Variants in OXR1 observed in about 807,000 individuals in gnomAD.
OXR1 encodes the protein oxidation resistance 1.
A neutral mutation model predicts 104.6 loss-of-function variants in OXR1; 41 were observed. The ratio of observed to expected loss-of-function variants is 0.39; its 90% confidence interval spans 0.31 to 0.51. OXR1 has a LOEUF of 0.51. Ranked by LOEUF, OXR1 falls within the 20% of genes least tolerant of loss-of-function variation. The pLI, the probability that OXR1 is intolerant of heterozygous loss-of-function variation, is 0.77. For synonymous variants in OXR1, 348 were observed against 348.4 expected, an observed-to-expected ratio of 1.00 and a Z score of 0.01; for missense variants, 955 against 1,031.9, an observed-to-expected ratio of 0.93 and a Z score of 1.02.
chr8:106,455,369 A>G (rs1820547217), intron 2 of OXR1, among the ~76,000 whole-genome samples: 1 of 152,218 alleles, frequency 6.6e-6, no homozygotes, highest in Non-Finnish European at 1.5e-5. Context: ...AAATCATCCC[A>G]GAGACCGGAA....
chr8:106,493,004 A>G (rs1409387229), intron 2 of OXR1, among the ~76,000 whole-genome samples: 1 of 152,200 alleles, frequency 6.6e-6, no homozygotes, highest in Non-Finnish European at 1.5e-5. Context: ...CTGTAGTTAT[A>G]TGTACAGAAG....
At chr8:106,509,962 G>A (rs950492713) in intron 2 of OXR1, among the ~76,000 whole-genome samples, 3 of 151,928 alleles carry the variant, frequency 2.0e-5, no homozygotes, top group Non-Finnish European at 2.9e-5. Context: ...AGTAGAGATG[G>A]GATTTCACCA....
intron 2 of OXR1, among the ~76,000 whole-genome samples, chr8:106,416,804 C>T (rs956406916): frequency 6.6e-6 from 1 of 152,238 alleles, no homozygotes; most frequent in East Asian, 1.9e-4. Context: ...ATATTTGCCA[C>T]TTGGTCCAAG....
intron 1 of OXR1, among the ~76,000 whole-genome samples, chr8:106,353,910 G>A (rs577580531): frequency 2.6e-5 from 4 of 152,124 alleles, no homozygotes; most frequent in East Asian, 1.9e-4. Flanking sequence ...CCAGCCTGCC[G>A]CCCCTAGTAA....
At chr8:106,521,858 C>T (rs1813287486) in intron 3 of OXR1, among the ~76,000 whole-genome samples, 1 of 152,088 alleles carries the variant, frequency 6.6e-6, no homozygotes, top group African/African-American at 2.4e-5. Flanking sequence ...ATATTTTTAC[C>T]ACAAGTCCCA....
chr8:106,603,866 A>G (rs144602711), intron 3 of OXR1, among the ~76,000 whole-genome samples: 3,057 of 152,110 alleles, frequency 0.02, 39 homozygotes, highest in South Asian at 0.064. Flanking sequence ...CAGCCTAGCC[A>G]ACATGGTGAA....
intron 3 of OXR1, among the ~76,000 whole-genome samples, chr8:106,570,446 T>C (rs764354384): frequency 6.6e-6 from 1 of 152,134 alleles, no homozygotes; most frequent in Non-Finnish European, 1.5e-5. Context: ...GCCTGAGTGA[T>C]AGGGTGAAAT....
intron 3 of OXR1, among the ~76,000 whole-genome samples, chr8:106,669,109 G>A (rs1200809392): frequency 6.6e-6 from 1 of 152,140 alleles, no homozygotes; most frequent in East Asian, 1.9e-4. Flanking sequence ...ACATTAATGG[G>A]TATGAGACCA....
intron 1 of OXR1, among the ~76,000 whole-genome samples, chr8:106,332,826 A>G (rs546671708): frequency 6.6e-6 from 1 of 152,172 alleles, no homozygotes; most frequent in East Asian, 1.9e-4. Context: ...TTCTGTCTCT[A>G]TGGATTTGCT....
intron 7 of OXR1, among the ~76,000 whole-genome samples, chr8:106,695,486 C>T (rs1266045727): frequency 6.6e-6 from 1 of 151,370 alleles, no homozygotes; most frequent in African/African-American, 2.4e-5. Flanking sequence ...GGCCTGATCT[C>T]AGCTCACTGC....
At chr8:106,605,757 C>T (rs2130774193) in intron 3 of OXR1, among the ~76,000 whole-genome samples, 1 of 151,930 alleles carries the variant, frequency 6.6e-6, no homozygotes, top group African/African-American at 2.4e-5. Flanking sequence ...CGAGATGGTG[C>T]CACTGCACTT....
intron 11 of OXR1, among the ~76,000 whole-genome samples, chr8:106,732,953 T>C (rs1563756157): frequency 6.6e-6 from 1 of 152,256 alleles, no homozygotes; most frequent in Non-Finnish European, 1.5e-5. Context: ...AGAGTTTGTA[T>C]AATTTCTTCG....
chr8:106,613,048 T>C (rs1346288060), intron 3 of OXR1, among the ~76,000 whole-genome samples: 1 of 152,098 alleles, frequency 6.6e-6, no homozygotes, highest in Non-Finnish European at 1.5e-5. Flanking sequence ...CTTATGCAGA[T>C]TGCTGAGAAA....
At position 106,518,972 on chromosome 8, in the gene OXR1, T is replaced by G. The variant is rs1204354032; in HGVS notation, c.53T>G (p.Ile18Ser). 1 of 1,551,374 alleles carries G rather than the reference T, an allele frequency of 6.4e-7. No homozygotes were observed. The highest frequency in any genetic ancestry group is 8.7e-7 in the Non-Finnish European group (1 of 1,146,880). Residue 18 changes from isoleucine to serine, a missense_variant, in exon 3 of 17, where the codon ATT becomes AGT. Physicochemically the swap from Ile to Ser is moderately radical, Grantham distance 142 (BLOSUM62 -2). Around this residue, in one of 2 missense-constraint regions of OXR1, gnomAD observed 849 missense variants for 852.9 expected, o/e 1.00. Transcript: ENST00000517566. Reference sequence around the variant, plus strand: ...AAGAAAAAGTCCCAGTCGGTGGATATTAATGCTCCAGGGTTCAACCCTTTG... The same window carrying G: ...AAGAAAAAGTCCCAGTCGGTGGATAGTAATGCTCCAGGGTTCAACCCTTTG... The part of the protein sequence containing the change: ...WLKKKSQSVD[I>S]NAPGFNPLAG...
chr8:106,413,138 GA>G (rs11287871), intron 2 of OXR1, among the ~76,000 whole-genome samples: 51,619 of 150,064 alleles, frequency 0.34, 9,480 homozygotes, highest in East Asian at 0.7. Context: ...TACTTTTGTA[GA>G]AAAAAAAAAT....
At chr8:106,511,009 G>A (rs1334179911) in intron 2 of OXR1, among the ~76,000 whole-genome samples, 1 of 152,158 alleles carries the variant, frequency 6.6e-6, no homozygotes, top group Non-Finnish European at 1.5e-5. Context: ...TAATCCTCCT[G>A]TTTAAGGGCA....
chr8:106,417,537 T>C (rs1818727247), intron 2 of OXR1, among the ~76,000 whole-genome samples: 1 of 152,298 alleles, frequency 6.6e-6, no homozygotes, highest in African/African-American at 2.4e-5. Context: ...TTTCAAAACA[T>C]GTCCTTGAGG....
At chr8:106,502,168 A>G (rs923935660) in intron 2 of OXR1, among the ~76,000 whole-genome samples, 1 of 152,234 alleles carries the variant, frequency 6.6e-6, no homozygotes. Flanking sequence ...TGTGCAACCC[A>G]TGCAGCTTCC....
At chr8:106,557,871 G>C (rs1816401087) in intron 3 of OXR1, among the ~76,000 whole-genome samples, 1 of 152,126 alleles carries the variant, frequency 6.6e-6, no homozygotes, top group Admixed American at 6.5e-5. Flanking sequence ...TTTTTAAGAA[G>C]AGACTTCCAT....
Sources: gnomAD v4.1 joint callset for allele counts (sites outside exome capture counted in the v4.1 genomes callset) on GRCh38, gnomAD v4.1.1 for gene constraint, gnomAD v4.1.1 regional missense constraint, MANE v1.5 for transcripts, NCBI Gene and HGNC (gene_info 2026-07-23, HGNC 2026-07-21) for gene names.